Variants in MTHFD2L observed in about 807,000 individuals in gnomAD.
MTHFD2L encodes methylenetetrahydrofolate dehydrogenase (NADP+ dependent) 2 like, also known as bifunctional methylenetetrahydrofolate dehydrogenase/cyclohydrolase 2, mitochondrial.
A neutral mutation model predicts 34.9 loss-of-function variants in MTHFD2L; 29 were observed. The ratio of observed to expected loss-of-function variants is 0.83; its 90% CI spans 0.62 to 1.13. MTHFD2L has a LOEUF of 1.13. Among genes scored for constraint, MTHFD2L ranks in the 50% most tolerant of loss-of-function variants. MTHFD2L has a pLI of 0.00. For synonymous variants in MTHFD2L, 167 were observed against 155.7 expected (o/e 1.07, Z -0.54); for missense variants, 481 against 446.5 (o/e 1.08, Z -0.70).
At chr4:74,153,362 T>C (rs1724059125), upstream of MTHFD2L, among the ~76,000 whole-genome samples, 1 of 152,216 alleles carries the variant, frequency 6.6e-6, no homozygotes, top group South Asian at 2.1e-4. Flanking sequence ...ACACTACAAA[T>C]AATTACATGG....
intron 6 of MTHFD2L, among the ~76,000 whole-genome samples, chr4:74,262,843 C>T (rs1578652613): frequency 6.6e-6 from 1 of 151,984 alleles, no homozygotes; most frequent in East Asian, 1.9e-4. Context: ...ATGTGCACTT[C>T]ATATGACCTA....
intron 6 of MTHFD2L, among the ~76,000 whole-genome samples, chr4:74,228,908 G>C (rs1739600465): frequency 6.6e-6 from 1 of 152,182 alleles, no homozygotes; most frequent in African/African-American, 2.4e-5. Flanking sequence ...CGCCAGTCAG[G>C]TGAGCAGCTA....
intron 3 of MTHFD2L, among the ~76,000 whole-genome samples, chr4:74,189,485 C>CCTTT (rs1168720652): frequency 2.5e-5 from 3 of 119,824 alleles, no homozygotes; most frequent in African/African-American, 1.2e-4. Context: ...GTTTTTCTTC[C>CCTTT]TTTTTTTTTT....
At chr4:74,161,964 C>G (rs1725552200) in intron 1 of MTHFD2L, 1 of 152,096 alleles carries the variant, frequency 6.6e-6, no homozygotes, top group Non-Finnish European at 1.5e-5. Flanking sequence ...AATGAGTATG[C>G]TAAATTAAAG....
At chr4:74,276,176 G>A (rs1746622276) in intron 6 of MTHFD2L, among the ~76,000 whole-genome samples, 1 of 152,062 alleles carries the variant, frequency 6.6e-6, no homozygotes, top group Non-Finnish European at 1.5e-5. Context: ...TACAGAATCA[G>A]CTGTTTGATG....
chr4:74,157,839 C>T, upstream of MTHFD2L: 1 of 586,814 alleles, frequency 1.7e-6, no homozygotes, highest in Non-Finnish European at 3.2e-6. Context: ...TATGGGAATG[C>T]CAGCTATATG....
intron 1 of MTHFD2L, chr4:74,160,008 A>T: frequency 8.1e-7 from 1 of 1,240,780 alleles, no homozygotes; most frequent in Non-Finnish European, 1.0e-6. Flanking sequence ...GTGGGGAGGA[A>T]TTCGGACAGT....
At chr4:74,155,494 T>G (rs1253835155), upstream of MTHFD2L, among the ~76,000 whole-genome samples, 1 of 152,112 alleles carries the variant, frequency 6.6e-6, no homozygotes, top group African/African-American at 2.4e-5. Context: ...CTGATCAAAT[T>G]TGGAAGATAT....
At chr4:74,260,931 CAATT>C (rs1387818917) in intron 6 of MTHFD2L, among the ~76,000 whole-genome samples, 29 of 145,122 alleles carry the variant, frequency 2.0e-4, no homozygotes, top group African/African-American at 7.5e-4. Context: ...AACAAAGAAA[CAATT>C]AAAAATCTCA....
chr4:74,233,971 A>G (rs1740477580), intron 6 of MTHFD2L, among the ~76,000 whole-genome samples: 1 of 152,022 alleles, frequency 6.6e-6, no homozygotes, highest in South Asian at 2.1e-4. Flanking sequence ...TTCATGAGTA[A>G]AACAAGCATT....
At chr4:74,250,185 T>C (rs1036395366) in intron 6 of MTHFD2L, among the ~76,000 whole-genome samples, 4 of 152,202 alleles carry the variant, frequency 2.6e-5, no homozygotes, top group Non-Finnish European at 5.9e-5. Flanking sequence ...TTTCTTTTTA[T>C]TCTTTTTTCT....
At chr4:74,230,602 A>G (rs866869474) in intron 6 of MTHFD2L, among the ~76,000 whole-genome samples, 1,632 of 151,918 alleles carry the variant, frequency 0.011, 31 homozygotes, top group African/African-American at 0.038. Context: ...AAAAAAAAAA[A>G]AAAGAAAAAA....
intron 4 of MTHFD2L, among the ~76,000 whole-genome samples, chr4:74,200,226 G>A (rs975386222): frequency 1.1e-4 from 17 of 152,108 alleles, no homozygotes; most frequent in Admixed American, 1.1e-3. Context: ...GAAGGAGAAT[G>A]GCATGAACCT....
At chr4:74,132,231 A>G (rs139202365) in intron 1 of MTHFD2L, among the ~76,000 whole-genome samples, 3 of 152,282 alleles carry the variant, frequency 2.0e-5, no homozygotes, top group Non-Finnish European at 2.9e-5. Context: ...CAGCAATCTC[A>G]TTACTGGATA....
At chr4:74,158,399 T>C (rs1724646353) in intron 1 of MTHFD2L, 118 bp downstream of exon 1, 1 of 790,336 alleles carries the variant, frequency 1.3e-6, no homozygotes, top group Non-Finnish European at 1.6e-6. Context: ...GGCGGCGGGC[T>C]GGGTCGAGGA....
At chr4:74,267,354 C>G (rs1253320182) in intron 6 of MTHFD2L, 1 of 490,264 alleles carries the variant, frequency 2.0e-6, no homozygotes, top group East Asian at 1.5e-4. Context: ...TTTCTCCTTT[C>G]TTTCTTCCTT....
chr4:74,250,538 T>C (rs1294537259), intron 6 of MTHFD2L, among the ~76,000 whole-genome samples: 1 of 152,214 alleles, frequency 6.6e-6, no homozygotes, highest in Non-Finnish European at 1.5e-5. Flanking sequence ...ACATAGTAGC[T>C]ATTCAGCAAA....
At chr4:74,256,255 G>A (rs183993096) in intron 6 of MTHFD2L, among the ~76,000 whole-genome samples, 186 of 152,010 alleles carry the variant, frequency 1.2e-3, no homozygotes, top group African/African-American at 4.1e-3. Context: ...GACTACAGGC[G>A]CATGCCACCA....
At chr4:74,280,153 T>A (rs542020209) in intron 6 of MTHFD2L, 2 of 152,068 alleles carry the variant, frequency 1.3e-5, no homozygotes, top group Admixed American at 6.6e-5. Flanking sequence ...GATCACAGAG[T>A]CTTTGATTCT....
Sources: allele counts gnomAD v4.1 joint callset (sites outside exome capture counted in the v4.1 genomes callset), GRCh38; gene constraint gnomAD v4.1.1; transcripts MANE v1.5; gene names NCBI Gene and HGNC (gene_info 2026-07-23, HGNC 2026-07-21).